The following MAP4K3 variants were observed in gnomAD, a reference collection of about 807,000 sequenced individuals.
MAP4K3 encodes the protein MAPK/ERK kinase kinase kinase 3.
Under a neutral mutation model 143.5 loss-of-function variants are expected in MAP4K3, and 94 were observed. The observed-to-expected ratio is 0.65, with a 90% CI of 0.55 to 0.78. MAP4K3 has a LOEUF of 0.78. MAP4K3 is among the 30% of genes least tolerant of loss of function. The pLI is 0.00. For missense variants in MAP4K3, 1,077 were observed against 1,068.1 expected (o/e 1.01, Z -0.12); for synonymous variants, 416 against 347.2 (o/e 1.20, Z -2.20).
chr2:39,251,879 G>C lies in MAP4K3; in HGVS notation c.2548C>G (p.Gln850Glu). Reference sequence around the variant, plus strand: ...ATTCTTGTGCTATCTGAAATTTCTTGTGTTACCTGTTCAATTAAAACACAA... The same window carrying C: ...ATTCTTGTGCTATCTGAAATTTCTTCTGTTACCTGTTCAATTAAAACACAA... ...GRSFRSNEVT[Q>E]EISDSTRIFR... Residue 850 changes from glutamine to glutamate, a missense_variant, in exon 33 of 34, where the codon CAA becomes GAA. Transcript: ENST00000263881. The C allele has an allele frequency of 1.2e-6, 2 of 1,612,616 alleles. No homozygotes were observed. The highest frequency in any genetic ancestry group is 1.7e-6 in the Non-Finnish European group (2 of 1,179,122).
chr2:39,422,554 G>A (rs1421511847), intron 1 of MAP4K3, among the ~76,000 whole-genome samples: 1 of 151,994 alleles, frequency 6.6e-6, no homozygotes, highest in African/African-American at 2.4e-5. Flanking sequence ...CTAGTCTGTG[G>A]TACTTTCTAA....
chr2:39,394,359 C>G (rs1666748499), intron 1 of MAP4K3, among the ~76,000 whole-genome samples: 1 of 152,150 alleles, frequency 6.6e-6, no homozygotes. Flanking sequence ...GAAATGAGGA[C>G]AGCTTGAACT....
chr2:39,346,688 G>C (rs1008657214), intron 3 of MAP4K3, among the ~76,000 whole-genome samples: 3 of 152,184 alleles, frequency 2.0e-5, no homozygotes, highest in African/African-American at 7.2e-5. Flanking sequence ...CCACCCTCCA[G>C]AAGCAGCAAT....
At chr2:39,314,825 T>C (rs959700525) in intron 13 of MAP4K3, among the ~76,000 whole-genome samples, 5 of 152,188 alleles carry the variant, frequency 3.3e-5, no homozygotes, top group Admixed American at 2.0e-4. Flanking sequence ...TTGGACTCTA[T>C]GGAAAAGTGG....
Position 39,319,229 on chromosome 2 carries a change from C to CT in MAP4K3, c.919-3842dup, listed in dbSNP as rs34371183. Among the ~76,000 whole-genome samples, 1,330 of 146,102 alleles carry CT rather than the reference C, an allele frequency of 9.1e-3. 17 individuals carry two copies. Among genetic ancestry groups the CT allele is most frequent in the African/African-American group, 0.03 (1,210 of 40,092 alleles). ...TCAAGTATATACACTCAATTACATA[C>CT]TTTTTTTTTTTTTAAACCACAACTA... On this transcript the variant is annotated intron_variant, in intron 12 of 33. Coordinates refer to ENST00000263881, the MANE Select transcript of MAP4K3 (RefSeq NM_003618.4).
intron 8 of MAP4K3, among the ~76,000 whole-genome samples, chr2:39,326,571 G>C (rs777861694): frequency 3.3e-5 from 5 of 151,732 alleles, no homozygotes; most frequent in Non-Finnish European, 7.4e-5. Flanking sequence ...GCTGGAATGA[G>C]TTAAGACTTT....
intron 1 of MAP4K3, among the ~76,000 whole-genome samples, chr2:39,407,061 A>G (rs1322406211): frequency 1.3e-5 from 2 of 152,218 alleles, no homozygotes; most frequent in African/African-American, 4.8e-5. Context: ...TAAGAATACA[A>G]GGTTTAGTAT....
chr2:39,293,804 G>T (rs1682154019), intron 16 of MAP4K3: 1 of 153,586 alleles, frequency 6.5e-6, no homozygotes, highest in African/African-American at 2.4e-5. Context: ...ATACATGAAT[G>T]TAGTAGCACT....
At chr2:39,324,166 T>C (rs1558646863) in intron 12 of MAP4K3, among the ~76,000 whole-genome samples, 1 of 152,168 alleles carries the variant, frequency 6.6e-6, no homozygotes, top group East Asian at 1.9e-4. Flanking sequence ...TCCCAGCATT[T>C]GGGAGGCCGA....
chr2:39,343,886 A>G (rs1356736824), intron 3 of MAP4K3, among the ~76,000 whole-genome samples: 1 of 152,194 alleles, frequency 6.6e-6, no homozygotes, highest in Non-Finnish European at 1.5e-5. Flanking sequence ...GATTTTCCCA[A>G]AACAGTCTTA....
At chr2:39,282,821 AT>A (rs1438562207) in intron 21 of MAP4K3, among the ~76,000 whole-genome samples, 4 of 152,200 alleles carry the variant, frequency 2.6e-5, no homozygotes, top group Admixed American at 1.3e-4. Context: ...CTTTCCAGAC[AT>A]TTTTGGTATA....
Position 39,286,952 on chromosome 2 carries a change from C to T in MAP4K3, c.1487G>A (p.Ser496Asn), listed in dbSNP as rs1478601904. The T allele has an allele frequency of 6.3e-7, 1 of 1,599,902 alleles. No individual in the cohort carries two copies. The highest frequency in any genetic ancestry group is 8.5e-7 in the Non-Finnish European group (1 of 1,171,554). ...TCGTTCACCATTTAACTGGAAGGAG[C>T]TCATTCCATTTCCTTCAATAAGATA... ...HKPVALGNGMSSFQLNGERDG... is the reference protein window; with the variant it reads ...HKPVALGNGMNSFQLNGERDG... The change falls in exon 21 of 34, where the codon AGC becomes AAC. Residue 496 changes from serine (S) to asparagine (N), a missense_variant. Around this residue, in one of 2 missense-constraint regions of MAP4K3, gnomAD observed 864 missense variants for 801.2 expected, o/e 1.08. Coordinates refer to ENST00000263881, the MANE Select transcript of MAP4K3 (RefSeq NM_003618.4).
chr2:39,344,027 C>A (rs1325366934), intron 3 of MAP4K3, among the ~76,000 whole-genome samples: 1 of 152,074 alleles, frequency 6.6e-6, no homozygotes, highest in Non-Finnish European at 1.5e-5. Context: ...TTCAGTCATT[C>A]ATTATTTAAT....
At chr2:39,428,186 G>C (rs963330620) in intron 1 of MAP4K3, among the ~76,000 whole-genome samples, 1 of 152,020 alleles carries the variant, frequency 6.6e-6, no homozygotes, top group Non-Finnish European at 1.5e-5. Context: ...CTTATATCAG[G>C]GTTTAAGTTC....
At chr2:39,265,334 C>A in intron 27 of MAP4K3, 28 bp from the exon 28 acceptor site, 1 of 1,323,898 alleles carries the variant, frequency 7.6e-7, no homozygotes, top group East Asian at 2.3e-5. Flanking sequence ...TAAATGAGTT[C>A]TCTTATAAAA....
chr2:39,288,321 A>C lies in MAP4K3; in HGVS notation c.1315-41T>G, dbSNP rs759648505. 1.9e-6 allele frequency: 3 copies of C among 1,577,026 alleles called. No homozygotes were observed. In the Admixed American group the frequency reaches 5.1e-5, roughly 27 times the overall value. ...AAAAGAGACCAACAATGAAACATCA[A>C]ATTATTTTCCTGAAGTAAGTACTAT... On this transcript the variant is annotated intron_variant, in intron 19 of 33. Coordinates refer to ENST00000263881, the MANE Select transcript of MAP4K3 (RefSeq NM_003618.4).
chr2:39,435,933 A>G (rs1321637825), intron 1 of MAP4K3, among the ~76,000 whole-genome samples: 1 of 152,256 alleles, frequency 6.6e-6, no homozygotes, highest in Non-Finnish European at 1.5e-5. Context: ...ACATGGGCAA[A>G]ATAAAGTTAA....
In MAP4K3 at chr2:39,310,200, CTTCT is replaced by C. The variant is rs1057121613; in HGVS notation, c.998-685_998-682del. On this transcript the variant is annotated intron_variant, in intron 13 of 33. Coordinates refer to ENST00000263881, the MANE Select transcript of MAP4K3 (RefSeq NM_003618.4). Reference sequence around the variant, plus strand: ...TGCTACTGAACACTAGAATGTATTCCTTCTATTTAACTTTATTTTTGTACCTATG... The same window carrying C: ...TGCTACTGAACACTAGAATGTATTCCATTTAACTTTATTTTTGTACCTATG... 2.0e-5 allele frequency among the ~76,000 whole-genome samples: 3 copies of C among 152,078 alleles called. No homozygotes were observed. The South Asian group carries it at 6.2e-4, about 32-fold the overall frequency.
At chr2:39,367,932 A>C (rs979974997) in intron 2 of MAP4K3, among the ~76,000 whole-genome samples, 1 of 152,212 alleles carries the variant, frequency 6.6e-6, no homozygotes, top group Admixed American at 6.5e-5. Context: ...TTTTAAAGGA[A>C]TATTTGAGAA....
Sources: gnomAD v4.1 joint callset for allele counts (sites outside exome capture counted in the v4.1 genomes callset) on GRCh38, gnomAD v4.1.1 for gene constraint, gnomAD v4.1.1 regional missense constraint, MANE v1.5 for transcripts, NCBI Gene and HGNC (gene_info 2026-07-23, HGNC 2026-07-21) for gene names.